SMARCB1: variants seen among roughly 807,000 people sequenced by gnomAD.
SMARCB1 encodes the protein SWI/SNF related BAF chromatin remodeling complex subunit B1, also known as SWI/SNF-related matrix-associated actin-dependent regulator of chromatin subfamily B member 1.
SMARCB1 carries 5 observed loss-of-function variants against 49.0 expected under a neutral mutation model. The observed-to-expected ratio is 0.10, with a 90% confidence interval of 0.05 to 0.21. The LOEUF (loss-of-function observed/expected upper bound fraction) is 0.21, where lower values mean the gene tolerates loss of function less well. Ranked by LOEUF, SMARCB1 falls within the 10% of genes least tolerant of loss-of-function variation. SMARCB1 has a pLI of 1.00. For synonymous variants in SMARCB1, 201 were observed against 200.1 expected, an observed-to-expected ratio of 1.00 and a Z score of -0.04; for missense variants, 226 against 509.2, an observed-to-expected ratio of 0.44 and a Z score of 5.35.
chr22:23,822,207 C>A (rs2030128259), intron 6 of SMARCB1, among the ~76,000 whole-genome samples: 1 of 152,230 alleles, frequency 6.6e-6, no homozygotes, highest in Admixed American at 6.5e-5. Flanking sequence ...GGCACCTGGC[C>A]CAAGTCGGCT....
chr22:23,787,348 C>A, intron 1 of SMARCB1, 86 bp downstream of exon 1: 1 of 765,656 alleles, frequency 1.3e-6, no homozygotes, highest in Non-Finnish European at 2.0e-6. Context: ...CGCGCGTCTC[C>A]ATTCATCGGG....
At chr22:23,832,130 C>G (rs1464280455) in intron 7 of SMARCB1, among the ~76,000 whole-genome samples, 1 of 152,162 alleles carries the variant, frequency 6.6e-6, no homozygotes, top group African/African-American at 2.4e-5. Context: ...GGGCTCACGG[C>G]TACTGGAGCT....
At chr22:23,800,380 A>G (rs575663643) in intron 3 of SMARCB1, among the ~76,000 whole-genome samples, 1 of 152,226 alleles carries the variant, frequency 6.6e-6, no homozygotes, top group Non-Finnish European at 1.5e-5. Context: ...TGCCTAGTCC[A>G]TCTCAGGATG....
chr22:23,796,157 G>A (rs2267031), intron 3 of SMARCB1, among the ~76,000 whole-genome samples: 140,675 of 152,172 alleles, frequency 0.92, 65,197 homozygotes, highest in Middle Eastern at 0.97. Flanking sequence ...CATTAATACC[G>A]CCCCTGGGAA....
At position 23,829,857 on chromosome 22, in the gene SMARCB1, C is replaced by T. The variant is rs1601439457; in HGVS notation, c.987-3715C>T. Among the ~76,000 whole-genome samples the T allele has an allele frequency of 3.3e-5, 5 of 152,364 alleles. No individual in the cohort carries two copies. In the East Asian group the frequency reaches 9.6e-4, roughly 29 times the overall value. On this transcript the variant is annotated intron_variant, in intron 7 of 8. Coordinates refer to ENST00000644036, the MANE Select transcript of SMARCB1 (RefSeq NM_003073.5). Reference sequence around the variant, plus strand: ...TCAGCCCTAGGTGTCCACTCATCCACTTTCTATCTGTAGATTTGCCTATTC... The same window carrying T: ...TCAGCCCTAGGTGTCCACTCATCCATTTTCTATCTGTAGATTTGCCTATTC...
At chr22:23,815,669 G>A (rs940603700) in intron 5 of SMARCB1, 1 of 152,226 alleles carries the variant, frequency 6.6e-6, no homozygotes, top group Non-Finnish European at 1.5e-5. Flanking sequence ...AACTGGAAAT[G>A]ATCTAGATAG....
chr22:23,787,013 G>C lies in SMARCB1; in HGVS notation c.-157G>C, dbSNP rs886057281. The C allele has an allele frequency of 2.0e-6, 1 of 505,430 alleles. No homozygotes were observed. Among genetic ancestry groups the C allele is most frequent in the Non-Finnish European group, 3.5e-6 (1 of 288,844 alleles). 31.3% of individuals were successfully genotyped at this position (505,430 alleles called of 1,614,324 possible). A position where few individuals can be genotyped will look rare whatever the true frequency, so the allele number is the denominator to read the frequency against. On this transcript the variant is annotated 5_prime_UTR_variant, in exon 1 of 9. Transcript: ENST00000644036. ...CGGCCTGGTCGTCGTCTGCGGCGGC[G>C]GCGGCGGCTGAGGAGCCCGGCTGAG...
chr22:23,834,802 C>G lies in SMARCB1; in HGVS notation c.*622C>G. 3.1e-6 allele frequency: 5 copies of G among 1,603,252 alleles called. No individual in the cohort carries two copies. The highest frequency in any genetic ancestry group is 4.3e-6 in the Non-Finnish European group (5 of 1,175,470). The stretch of plus-strand genomic sequence containing the variant: ...GGCTCTCTGCCTTTCAGGAACAGCC[C>G]TAACCCTGCTCCCCTTGCTTGGCCT... On this transcript the variant is annotated 3_prime_UTR_variant, in exon 9 of 9. Transcript: ENST00000644036.
chr22:23,801,150 C>T, intron 4 of SMARCB1, 69 bp downstream of exon 4: 1 of 1,612,532 alleles, frequency 6.2e-7, no homozygotes, highest in Non-Finnish European at 8.5e-7. Flanking sequence ...GTTTCAGTTC[C>T]TTCCTCCCCA....
rs35019394 is a variant in SMARCB1, at chr22:23,827,208, A to G, written c.986+1793A>G. Among the ~76,000 whole-genome samples, 30 of 152,306 alleles carry G rather than the reference A, an allele frequency of 2.0e-4. No homozygotes were observed. The East Asian group carries it at 5.6e-3, about 28-fold the overall frequency. On this transcript the variant is annotated intron_variant, in intron 7 of 8. Transcript: ENST00000644036. ...TGCAGGTGGTAGGCTGGCTGCCCCC[A>G]GCATCCAGCCCCTACGGTGTTGACC... is the stretch of plus-strand genomic sequence containing the variant.
At chr22:23,805,266 C>T (rs913097659) in intron 5 of SMARCB1, among the ~76,000 whole-genome samples, 1 of 152,130 alleles carries the variant, frequency 6.6e-6, no homozygotes, top group African/African-American at 2.4e-5. Flanking sequence ...AGGACACTGG[C>T]AAGAGACTCC....
At chr22:23,799,237 T>A (rs1928976603) in intron 3 of SMARCB1, among the ~76,000 whole-genome samples, 1 of 151,420 alleles carries the variant, frequency 6.6e-6, no homozygotes, top group Admixed American at 6.6e-5. Context: ...TGCTCTCATC[T>A]GTTTCACCCA....
chr22:23,822,957 CTTTTTTTTTTTTTTTTTTTT>C (rs58056758), intron 6 of SMARCB1, among the ~76,000 whole-genome samples: 37 of 72,762 alleles, frequency 5.1e-4, no homozygotes, highest in Non-Finnish European at 8.8e-4. Context: ...ACCAGCATAG[CTTTTTTTTTTTTTTTTTTTT>C]TTTTTTTTTT....
At position 23,836,930 on chromosome 22, in the gene SMARCB1, G is replaced by T; in HGVS notation, c.*2750G>T. 1 of 1,562,090 alleles carries T rather than the reference G, an allele frequency of 6.4e-7. No individual in the cohort carries two copies. The highest frequency in any genetic ancestry group is 2.3e-5 in the East Asian group (1 of 43,306). ...TTCCTCAGGGAGGGGCAGGTAATTG[G>T]GGTCTTCTGCAGGGGCATCCAGGAG... On this transcript the variant is annotated 3_prime_UTR_variant, in exon 9 of 9. Coordinates refer to ENST00000644036, the MANE Select transcript of SMARCB1 (RefSeq NM_003073.5).
chr22:23,809,921 T>A (rs5760040), intron 5 of SMARCB1, among the ~76,000 whole-genome samples: 140,034 of 151,708 alleles, frequency 0.92, 64,790 homozygotes, highest in Middle Eastern at 0.97. Flanking sequence ...CTGTAATCCC[T>A]GCACTTTGGG....
At chr22:23,815,214 G>C (rs1930113391) in intron 5 of SMARCB1, 1 of 152,100 alleles carries the variant, frequency 6.6e-6, no homozygotes, top group African/African-American at 2.4e-5. Flanking sequence ...AACTGCCCTA[G>C]AAAACAGTGT....
At chr22:23,810,611 A>G (rs1929814250) in intron 5 of SMARCB1, among the ~76,000 whole-genome samples, 1 of 151,982 alleles carries the variant, frequency 6.6e-6, no homozygotes, top group African/African-American at 2.4e-5. Flanking sequence ...AGAAAGCATG[A>G]TAAGAAAAAA....
rs1038253569 is a variant in SMARCB1, at chr22:23,787,357, G to C, written c.93+95G>C. ...CGAGAGCGCGCGTCTCCATTCATCG[G>C]GGCGGGCGGGCGCGCGCGCGCGCGC... On this transcript the variant is annotated intron_variant, in intron 1 of 8. Coordinates refer to ENST00000644036, the MANE Select transcript of SMARCB1 (RefSeq NM_003073.5). 4.7e-5 allele frequency: 26 copies of C among 550,756 alleles called. 1 individual carries two copies. Among genetic ancestry groups the C allele is most frequent in the Non-Finnish European group, 6.4e-5 (23 of 360,294 alleles). The allele number at this position is 550,756 out of a possible 1,614,324, so 34.1% of individuals were successfully genotyped here. A position where few individuals can be genotyped will look rare whatever the true frequency, so the allele number is the denominator to read the frequency against.
chr22:23,805,613 C>T (rs1601407767), intron 5 of SMARCB1, among the ~76,000 whole-genome samples: 1 of 152,190 alleles, frequency 6.6e-6, no homozygotes, highest in East Asian at 1.9e-4. Flanking sequence ...TCAAGTGATT[C>T]TCCTGCCTCA....
Sources: gnomAD v4.1 joint callset for allele counts (sites outside exome capture counted in the v4.1 genomes callset) on GRCh38, gnomAD v4.1.1 for gene constraint, MANE v1.5 for transcripts, NCBI Gene and HGNC (gene_info 2026-07-23, HGNC 2026-07-21) for gene names.